Variants in FRMPD1 observed in about 807,000 individuals in gnomAD.
FRMPD1 encodes the protein FERM and PDZ domain-containing protein 1.
In FRMPD1, 76 loss-of-function variants were observed where a neutral mutation model predicts 117.8. That is an observed-to-expected ratio of 0.65 (90% confidence interval 0.54 to 0.78). The LOEUF is 0.78. FRMPD1 is among the 30% of genes least tolerant of loss of function. The pLI is 0.00. For missense variants in FRMPD1, 1,786 were observed against 1,964.5 expected (o/e 0.91, Z 1.72); for synonymous variants, 783 against 770.4 (o/e 1.02, Z -0.27).
the FRMPD1 span, among the ~76,000 whole-genome samples, chr9:37,617,472 C>T: frequency 2.0e-5 from 3 of 152,236 alleles, no homozygotes; most frequent in South Asian, 2.1e-4. Context: ...TGATAGCACT[C>T]ACTTTATAGA....
In FRMPD1 at chr9:37,746,052, T is replaced by C. The variant is rs755619473; in HGVS notation, c.4020T>C (p.Tyr1340=). Residue 1340 remains tyrosine, a synonymous_variant, in exon 16 of 16, where the codon TAT becomes TAC. Transcript: ENST00000377765. ...ACCAGTGCAGCTGTCAGTTCTCCTA[T>C]GCCACATGCTTCCGTGGCCCGCAGC... ...GMDQCSCQFS[Y]ATCFRGPQPE... 4 of 1,614,212 alleles carry C rather than the reference T, an allele frequency of 2.5e-6. No individual in the cohort carries two copies. The highest frequency in any genetic ancestry group is 3.4e-6 in the Non-Finnish European group (4 of 1,180,028).
At chr9:37,722,758 CTTCTTTTTTTT>C (rs1465696766) in intron 6 of FRMPD1, among the ~76,000 whole-genome samples, 1 of 142,874 alleles carries the variant, frequency 7.0e-6, no homozygotes, top group Non-Finnish European at 1.6e-5. Context: ...CTCAGAATCA[CTTCTTTTTTTT>C]TTCTTTTTTT....
chr9:37,689,671 T>G (rs769334479), intron 1 of FRMPD1, among the ~76,000 whole-genome samples: 5 of 152,170 alleles, frequency 3.3e-5, no homozygotes, highest in Non-Finnish European at 7.4e-5. Context: ...CTTCCTTGTT[T>G]TGGAGGAGCA....
intron 2 of FRMPD1, among the ~76,000 whole-genome samples, chr9:37,703,123 C>T (rs1388501675): frequency 6.6e-6 from 1 of 152,110 alleles, no homozygotes; most frequent in Non-Finnish European, 1.5e-5. Flanking sequence ...TTGTGGTCAT[C>T]AGTTCAAGGA....
At chr9:37,715,026 T>C (rs1563945231) in intron 5 of FRMPD1, among the ~76,000 whole-genome samples, 1 of 152,180 alleles carries the variant, frequency 6.6e-6, no homozygotes, top group African/African-American at 2.4e-5. Flanking sequence ...TCGTGGTAGA[T>C]TCTTGGAGTC....
intron 2 of FRMPD1, among the ~76,000 whole-genome samples, chr9:37,695,135 T>G (rs1186718182): frequency 6.6e-6 from 1 of 152,186 alleles, no homozygotes; most frequent in African/African-American, 2.4e-5. Flanking sequence ...AAAGTTTTTG[T>G]TTGAACACAT....
At chr9:37,724,183 TA>T (rs558807322) in intron 6 of FRMPD1, 41 bp from the exon 7 acceptor site, 512 of 1,030,138 alleles carry the variant, frequency 5.0e-4, no homozygotes, top group Non-Finnish European at 7.2e-4. Flanking sequence ...CCAGAAGGAA[TA>T]AAAAAAGACA....
At position 37,696,045 on chromosome 9, in the gene FRMPD1, GT is replaced by G. The variant is rs1468394327; in HGVS notation, c.101+3307del. Among the ~76,000 whole-genome samples, 7 of 57,472 alleles carry G rather than the reference GT, an allele frequency of 1.2e-4. No homozygotes were observed. In the East Asian group the frequency reaches 3.0e-3, roughly 25 times the overall value. 37.7% of individuals were successfully genotyped at this position (57,472 alleles called of 152,430 possible). On this transcript the variant is annotated intron_variant, in intron 2 of 15. Coordinates refer to ENST00000377765, the MANE Select transcript of FRMPD1 (RefSeq NM_014907.3). ...CTTTCCTTGCTCACCGTTCTCCATT[GT>G]TTTGCTTTTTTTTTTTTTTTTTTTT...
intron 6 of FRMPD1, among the ~76,000 whole-genome samples, chr9:37,720,018 A>G (rs1823322993): frequency 6.6e-6 from 1 of 152,046 alleles, no homozygotes; most frequent in Non-Finnish European, 1.5e-5. Flanking sequence ...CACCATAGAG[A>G]CCAGCAAAGG....
intron 8 of FRMPD1, 82 bp from the exon 9 acceptor site, chr9:37,730,902 T>G: frequency 7.3e-7 from 1 of 1,366,660 alleles, no homozygotes; most frequent in Non-Finnish European, 1.0e-6. Flanking sequence ...TCACTGTCTG[T>G]GTTTTATAGA....
intron 2 of FRMPD1, among the ~76,000 whole-genome samples, chr9:37,695,128 GT>G (rs1402548401): frequency 1.3e-5 from 2 of 152,144 alleles, no homozygotes; most frequent in Non-Finnish European, 2.9e-5. Flanking sequence ...TTGTGTAAAA[GT>G]TTTTGTTTGA....
chr9:37,711,417 G>A, intron 5 of FRMPD1, 22 bp downstream of exon 5: 3 of 1,568,102 alleles, frequency 1.9e-6, no homozygotes, highest in South Asian at 1.1e-5. Flanking sequence ...TCTATGTCCT[G>A]TGTGTTAGTT....
At chr9:37,739,149 G>T (rs1328020191) in intron 14 of FRMPD1, among the ~76,000 whole-genome samples, 1 of 152,168 alleles carries the variant, frequency 6.6e-6, no homozygotes, top group Non-Finnish European at 1.5e-5. Flanking sequence ...GTACTAGACT[G>T]CAGAGGAGGG....
chr9:37,745,073 C>A lies in FRMPD1; in HGVS notation c.3041C>A (p.Ser1014Tyr), dbSNP rs540524864. Reference protein sequence around the residue: ...PTIEHGDSSFSLSSGDPNPDR... With the variant: ...PTIEHGDSSFYLSSGDPNPDR... ...ATAGAGCATGGAGACAGCTCCTTCT[C>A]CCTCTCCAGTGGTGACCCTAACCCA... Residue 1014 changes from serine (S) to tyrosine (Y), a missense_variant, in exon 16 of 16, where the codon TCC (serine) becomes TAC (tyrosine). Physicochemically the swap from Ser to Tyr is moderately radical, Grantham distance 144. Coordinates refer to ENST00000377765, the MANE Select transcript of FRMPD1 (RefSeq NM_014907.3). 1.2e-6 allele frequency: 2 copies of A among 1,614,158 alleles called. No individual in the cohort carries two copies. Among genetic ancestry groups the A allele is most frequent in the East Asian group, 4.5e-5 (2 of 44,888 alleles).
chr9:37,626,026 C>G, the FRMPD1 span, among the ~76,000 whole-genome samples: 1 of 152,192 alleles, frequency 6.6e-6, no homozygotes, highest in African/African-American at 2.4e-5. Context: ...AACCCCGTAT[C>G]TATTAAAAAT....
chr9:37,643,667 G>C, the FRMPD1 span, among the ~76,000 whole-genome samples: 3 of 152,038 alleles, frequency 2.0e-5, no homozygotes, highest in Non-Finnish European at 4.4e-5. Flanking sequence ...TCTTGGTTGT[G>C]CTCCTTCAAG....
intron 2 of FRMPD1, among the ~76,000 whole-genome samples, chr9:37,704,172 G>T (rs12379335): frequency 0.19 from 28,277 of 152,120 alleles, 3,127 homozygotes; most frequent in Non-Finnish European, 0.26. Context: ...TGAAAGGAGT[G>T]CTTACTTTTC....
chr9:37,704,671 T>TATAA (rs1588943121), intron 2 of FRMPD1, among the ~76,000 whole-genome samples: 1 of 149,900 alleles, frequency 6.7e-6, no homozygotes, highest in African/African-American at 2.4e-5. Context: ...TATATATATA[T>TATAA]AATGTTAAAT....
chr9:37,632,706 G>A, the FRMPD1 span, among the ~76,000 whole-genome samples: 16 of 152,146 alleles, frequency 1.1e-4, no homozygotes, highest in African/African-American at 3.1e-4. Flanking sequence ...TGCCATCCTT[G>A]AACCAATCAT....
Sources: gnomAD v4.1 joint callset for allele counts (sites outside exome capture counted in the v4.1 genomes callset) on GRCh38, gnomAD v4.1.1 for gene constraint, MANE v1.5 for transcripts, NCBI Gene and HGNC (gene_info 2026-07-23, HGNC 2026-07-21) for gene names.